Variants in RTN4RL1 observed in about 807,000 individuals in gnomAD.
RTN4RL1 encodes reticulon-4 receptor-like 1.
A neutral mutation model predicts 25.6 loss-of-function variants in RTN4RL1; 7 were observed. That is an observed-to-expected ratio of 0.27 (90% CI 0.16 to 0.51). The LOEUF (loss-of-function observed/expected upper bound fraction) is 0.51, where lower values mean the gene tolerates loss of function less well. RTN4RL1 is among the 20% of genes least tolerant of loss of function. RTN4RL1 has a pLI of 0.97. For synonymous variants in RTN4RL1, 297 were observed against 288.2 expected (o/e 1.03, Z -0.31); for missense variants, 500 against 615.6 (o/e 0.81, Z 1.99).
At position 2,009,808 on chromosome 17, in the gene RTN4RL1, G is replaced by GC. The variant is rs777148551; in HGVS notation, c.13+15044dup. ...GTGGCTGATGGACTTGGGACTGACC[G>GC]CAAGTTCTGGTACTCTCCAAAGGAA... On this transcript the variant is annotated intron_variant, in intron 1 of 1. Transcript: ENST00000331238. Among the ~76,000 whole-genome samples, 5 of 127,458 alleles carry GC rather than the reference G, an allele frequency of 3.9e-5. 1 individual carries two copies. Among genetic ancestry groups the GC allele is most frequent in the African/African-American group, 9.0e-5 (3 of 33,284 alleles). 83.6% of individuals were successfully genotyped at this position (127,458 alleles called of 152,430 possible).
chr17:2,014,078 CT>C (rs1320481211), intron 1 of RTN4RL1, among the ~76,000 whole-genome samples: 1 of 152,200 alleles, frequency 6.6e-6, no homozygotes, highest in Non-Finnish European at 1.5e-5. Context: ...ATTTTTGAAA[CT>C]CAGGCTGTGC....
rs375884412 is a variant in RTN4RL1, at chr17:1,937,788, G to A, written c.34C>T (p.Leu12=). The change falls in exon 2 of 2, where the codon CTG becomes TTG. Residue 12 remains leucine (L), a synonymous_variant. Coordinates refer to ENST00000331238, the MANE Select transcript of RTN4RL1 (RefSeq NM_178568.4). ...GGCAGCTCCGCAGCTACCAACAGCA[G>A]CAGCAACTCCACACAGCACCCTGGC... ...LRKGCCVELL[L]LLVAAELPLG... 6.3e-7 allele frequency: 1 copy of A among 1,594,842 alleles called. No individual in the cohort carries two copies. The highest frequency in any genetic ancestry group is 8.5e-7 in the Non-Finnish European group (1 of 1,175,180).
At chr17:1,999,907 TGGGGCAGGCCTGTCCCCAGG>T (rs944941813) in intron 1 of RTN4RL1, among the ~76,000 whole-genome samples, 5 of 152,192 alleles carry the variant, frequency 3.3e-5, no homozygotes, top group African/African-American at 1.2e-4. Context: ...CCAGAGCAGC[TGGGGCAGGCCTGTCCCCAGG>T]GGGGCAGGCA....
chr17:1,985,900 G>T (rs929058832), intron 1 of RTN4RL1, among the ~76,000 whole-genome samples: 3 of 152,062 alleles, frequency 2.0e-5, no homozygotes, highest in African/African-American at 7.2e-5. Flanking sequence ...GCCAGGGTGA[G>T]AGGTTGATTG....
intron 1 of RTN4RL1, among the ~76,000 whole-genome samples, chr17:2,004,498 CAAGG>C (rs1213383497): frequency 1.3e-5 from 2 of 151,754 alleles, no homozygotes; most frequent in African/African-American, 2.4e-5. Flanking sequence ...GTTTCAGAGA[CAAGG>C]AAGAAGTGGC....
At chr17:2,024,284 A>G (rs2067246540) in intron 1 of RTN4RL1, among the ~76,000 whole-genome samples, 1 of 152,170 alleles carries the variant, frequency 6.6e-6, no homozygotes, top group South Asian at 2.1e-4. Flanking sequence ...ACTGGACATC[A>G]GGCGCTGGCC....
chr17:1,962,446 C>T (rs2066768992), intron 1 of RTN4RL1, among the ~76,000 whole-genome samples: 2 of 141,240 alleles, frequency 1.4e-5, no homozygotes, highest in African/African-American at 4.9e-5. Flanking sequence ...CAACCTCCGT[C>T]TCCCGGGTTC....
intron 1 of RTN4RL1, among the ~76,000 whole-genome samples, chr17:1,950,613 G>A (rs953711655): frequency 1.6e-4 from 25 of 152,008 alleles, no homozygotes; most frequent in African/African-American, 5.1e-4. Flanking sequence ...TTGGGAGGCT[G>A]AGGCAGGTGG....
intron 1 of RTN4RL1, among the ~76,000 whole-genome samples, chr17:1,953,774 A>G (rs1915733097): frequency 6.6e-6 from 1 of 152,148 alleles, no homozygotes; most frequent in African/African-American, 2.4e-5. Context: ...CATGTTGGCC[A>G]GGCTGGTCTC....
intron 1 of RTN4RL1, among the ~76,000 whole-genome samples, chr17:2,024,055 G>C (rs2067244248): frequency 6.6e-6 from 1 of 152,158 alleles, no homozygotes; most frequent in East Asian, 1.9e-4. Flanking sequence ...CCAGGGCCCG[G>C]GGGACGGCGC....
intron 1 of RTN4RL1, among the ~76,000 whole-genome samples, chr17:2,000,483 C>T (rs2066952048): frequency 6.6e-6 from 1 of 152,012 alleles, no homozygotes; most frequent in African/African-American, 2.4e-5. Context: ...ACTGGGATTA[C>T]AAGCACATGC....
Position 1,935,711 on chromosome 17 carries a change from G to GTGTGTGTATATATATA in RTN4RL1, c.*784_*785insTATATATATACACACA, listed in dbSNP as rs1435954605. On this transcript the variant is annotated 3_prime_UTR_variant, in exon 2 of 2. Transcript: ENST00000331238. ...AGTGGGAGGGGGACTGTGCATTTGT[G>GTGTGTGTATATATATA]TATATATATATATATATATATATAT... The GTGTGTGTATATATATA allele has an allele frequency of 8.9e-5, 14 of 157,450 alleles. No individual in the cohort carries two copies. Among genetic ancestry groups the GTGTGTGTATATATATA allele is most frequent in the East Asian group, 3.4e-4 (1 of 2,916 alleles). The allele number at this position is 157,450 out of a possible 1,614,324, so 9.8% of individuals were successfully genotyped here.
chr17:1,976,814 C>T (rs1189718598), intron 1 of RTN4RL1, among the ~76,000 whole-genome samples: 1 of 152,160 alleles, frequency 6.6e-6, no homozygotes, highest in Non-Finnish European at 1.5e-5. Flanking sequence ...GGGTGGAACT[C>T]GGCTGGGACT....
At chr17:1,992,237 G>A (rs373565723) in intron 1 of RTN4RL1, among the ~76,000 whole-genome samples, 6 of 151,832 alleles carry the variant, frequency 4.0e-5, no homozygotes, top group East Asian at 1.9e-4. Flanking sequence ...GGTGGCGGGC[G>A]CCTGCAGTCC....
chr17:1,957,736 C>G (rs1383398941), intron 1 of RTN4RL1, among the ~76,000 whole-genome samples: 1 of 151,962 alleles, frequency 6.6e-6, no homozygotes, highest in African/African-American at 2.4e-5. Context: ...CCCAGCTACT[C>G]GGGAGGCTGA....
chr17:1,969,605 T>A (rs1437734066), intron 1 of RTN4RL1, among the ~76,000 whole-genome samples: 2 of 152,148 alleles, frequency 1.3e-5, no homozygotes, highest in Non-Finnish European at 2.9e-5. Context: ...CTTTCCCATT[T>A]TCCTCTATAA....
At position 1,937,175 on chromosome 17, in the gene RTN4RL1, G is replaced by A. The variant is rs1209471146; in HGVS notation, c.647C>T (p.Ala216Val). The change falls in exon 2 of 2, where the codon GCG becomes GTG. Residue 216 changes from alanine to valine, a missense_variant. Coordinates refer to ENST00000331238, the MANE Select transcript of RTN4RL1 (RefSeq NM_178568.4). ...ENQLQWVHHK[A>V]FHDLRRLTTL... The stretch of plus-strand genomic sequence containing the variant: ...GGTCAGCCTGCGGAGGTCGTGGAAC[G>A]CCTTGTGGTGGACCCACTGCAGCTG... The A allele has an allele frequency of 1.2e-6, 2 of 1,612,296 alleles. No homozygotes were observed. Among genetic ancestry groups the A allele is most frequent in the Non-Finnish European group, 1.7e-6 (2 of 1,179,650 alleles).
intron 1 of RTN4RL1, among the ~76,000 whole-genome samples, chr17:1,965,222 G>GC (rs2066785415): frequency 6.7e-6 from 1 of 150,292 alleles, no homozygotes; most frequent in African/African-American, 2.5e-5. Flanking sequence ...TGATTCTCTT[G>GC]CCTCAGCCTC....
At chr17:1,960,474 G>A (rs976551798) in intron 1 of RTN4RL1, among the ~76,000 whole-genome samples, 3 of 152,174 alleles carry the variant, frequency 2.0e-5, no homozygotes, top group Admixed American at 6.5e-5. Flanking sequence ...ACTCTTCACA[G>A]CGCTAGCTGC....
Sources: gnomAD v4.1 joint callset for allele counts (sites outside exome capture counted in the v4.1 genomes callset) on GRCh38, gnomAD v4.1.1 for gene constraint, MANE v1.5 for transcripts, NCBI Gene and HGNC (gene_info 2026-07-23, HGNC 2026-07-21) for gene names.